TFEC: variants seen among roughly 807,000 people sequenced by gnomAD.
TFEC encodes the protein class E basic helix-loop-helix protein 34.
In TFEC, 31 loss-of-function variants were observed where a neutral mutation model predicts 41.6. That is an observed-to-expected ratio of 0.74 (90% CI 0.56 to 1.01). The LOEUF (loss-of-function observed/expected upper bound fraction) is 1.01. TFEC is among the 50% of genes least tolerant of loss of function. The pLI is 0.00. For missense variants in TFEC, 402 were observed against 404.1 expected, an observed-to-expected ratio of 0.99 and a Z score of 0.04; for synonymous variants, 143 against 140.6, an observed-to-expected ratio of 1.02 and a Z score of -0.12.
intron 6 of TFEC, among the ~76,000 whole-genome samples, chr7:115,945,023 T>G (rs1791454734): frequency 6.7e-6 from 1 of 150,352 alleles, no homozygotes; most frequent in South Asian, 2.3e-4. Context: ...GATAATTGTA[T>G]AGTCTGATAT....
chr7:116,148,698 T>C (rs1411147007), intron 1 of TFEC, among the ~76,000 whole-genome samples: 1 of 152,136 alleles, frequency 6.6e-6, no homozygotes, highest in African/African-American at 2.4e-5. Context: ...AGGGAAGACA[T>C]CAGCAATTTT....
intron 1 of TFEC, among the ~76,000 whole-genome samples, chr7:116,121,889 A>G (rs1202539316): frequency 6.6e-6 from 1 of 152,068 alleles, no homozygotes; most frequent in Non-Finnish European, 1.5e-5. Flanking sequence ...AATCAGTAAA[A>G]TAAAAAATTC....
intron 3 of TFEC, among the ~76,000 whole-genome samples, chr7:115,966,766 T>C (rs1792872517): frequency 6.6e-6 from 1 of 151,724 alleles, no homozygotes; most frequent in South Asian, 2.1e-4. Flanking sequence ...TTTTCTCAGT[T>C]ATATTCTTTC....
Position 116,001,278 on chromosome 7 carries a change from C to A in TFEC, c.-72-16765G>T, listed in dbSNP as rs1287044484. 2.0e-5 allele frequency among the ~76,000 whole-genome samples: 3 copies of A among 152,112 alleles called. No individual in the cohort carries two copies. In the South Asian group the frequency reaches 6.2e-4, roughly 31 times the overall value. The stretch of plus-strand genomic sequence containing the variant: ...AAAACAAATGACAATATGACCCTAT[C>A]TCTTATCATATGCAAAAATCAAATC... On this transcript the variant is annotated intron_variant, in intron 1 of 7. Transcript: ENST00000265440.
upstream of TFEC, among the ~76,000 whole-genome samples, chr7:116,032,768 C>G (rs1795818278): frequency 6.6e-6 from 1 of 152,040 alleles, no homozygotes; most frequent in Non-Finnish European, 1.5e-5. Flanking sequence ...ATAATCTGTA[C>G]AGCAAACCCC....
chr7:116,077,375 A>T (rs1161585996), intron 3 of TFEC, among the ~76,000 whole-genome samples: 1 of 152,114 alleles, frequency 6.6e-6, no homozygotes, highest in African/African-American at 2.4e-5. Context: ...AAAATAAACC[A>T]GGTATTGAGG....
At chr7:115,989,247 G>A (rs1218201571) in intron 1 of TFEC, among the ~76,000 whole-genome samples, 1 of 152,176 alleles carries the variant, frequency 6.6e-6, no homozygotes, top group Non-Finnish European at 1.5e-5. Context: ...CTACATTAAT[G>A]TATTTAAAAT....
chr7:115,967,200 CAAAA>C (rs1337384537), intron 3 of TFEC, among the ~76,000 whole-genome samples: 2 of 150,806 alleles, frequency 1.3e-5, no homozygotes, highest in Non-Finnish European at 3.0e-5. Flanking sequence ...GTAGAGATAA[CAAAA>C]GAAAAAAATA....
intron 1 of TFEC, among the ~76,000 whole-genome samples, chr7:116,118,276 C>A (rs1283764970): frequency 6.6e-6 from 1 of 151,818 alleles, no homozygotes; most frequent in African/African-American, 2.4e-5. Context: ...TTAGAAAACA[C>A]TAAAACTTTC....
At chr7:116,099,854 A>C (rs576440947) in intron 3 of TFEC, among the ~76,000 whole-genome samples, 1 of 152,364 alleles carries the variant, frequency 6.6e-6, no homozygotes, top group African/African-American at 2.4e-5. Context: ...CTTAAATATA[A>C]GCCAAAATAA....
chr7:115,987,302 C>G (rs1793903539), intron 1 of TFEC, among the ~76,000 whole-genome samples: 1 of 152,056 alleles, frequency 6.6e-6, no homozygotes, highest in Non-Finnish European at 1.5e-5. Flanking sequence ...CTTTACTAAC[C>G]ATGAACTAAT....
chr7:115,978,467 G>A (rs1472269913), intron 2 of TFEC, among the ~76,000 whole-genome samples: 2 of 152,100 alleles, frequency 1.3e-5, no homozygotes, highest in Non-Finnish European at 2.9e-5. Flanking sequence ...CTCATCAAAT[G>A]CAGCCTTTGT....
chr7:116,033,792 A>G (rs952278416), upstream of TFEC, among the ~76,000 whole-genome samples: 3 of 152,114 alleles, frequency 2.0e-5, no homozygotes, highest in African/African-American at 4.8e-5. Context: ...TCCCACCTAA[A>G]GGAAAACAAA....
At chr7:116,044,149 G>C (rs1184133351) in intron 3 of TFEC, among the ~76,000 whole-genome samples, 1 of 152,156 alleles carries the variant, frequency 6.6e-6, no homozygotes, top group African/African-American at 2.4e-5. Flanking sequence ...GTAAACTTGG[G>C]CCTCTGAATA....
rs549684781 is a variant in TFEC at position 116,114,479 on chromosome 7, A to G, written c.-68-2441T>C. Among the ~76,000 whole-genome samples the G allele has an allele frequency of 3.3e-5, 5 of 152,162 alleles. No individual in the cohort carries two copies. The South Asian group carries it at 1.0e-3, about 31-fold the overall frequency. On this transcript the variant is annotated intron_variant, in intron 1 of 8. Coordinates refer to the TFEC transcript ENST00000484212. ...ATGACAATTTGCAAAGGGCAAGCGT[A>G]AGGGGGATTGTTTTTCTAAAAGCAG...
At chr7:116,085,931 T>C (rs545096593) in intron 3 of TFEC, among the ~76,000 whole-genome samples, 1 of 152,066 alleles carries the variant, frequency 6.6e-6, no homozygotes, top group African/African-American at 2.4e-5. Flanking sequence ...TAAGATTCTC[T>C]AACATTAACA....
At chr7:116,039,571 G>A (rs1010655561) in intron 3 of TFEC, among the ~76,000 whole-genome samples, 2 of 151,692 alleles carry the variant, frequency 1.3e-5, no homozygotes, top group Admixed American at 6.6e-5. Context: ...ATCAAACTAC[G>A]ACAGAGACAT....
At position 116,074,230 on chromosome 7, in the gene TFEC, A is replaced by G. The variant is rs552664086; in HGVS notation, c.198+36478T>C. On this transcript the variant is annotated intron_variant, in intron 3 of 8. Coordinates refer to the TFEC transcript ENST00000484212. ...TGTATATATGTGTGCATGCATACACACACACACAGACACACACACACATAT... is the reference window on the plus strand; with the variant it reads ...TGTATATATGTGTGCATGCATACACGCACACACAGACACACACACACATAT... Among the ~76,000 whole-genome samples, 24 of 151,900 alleles carry G rather than the reference A, an allele frequency of 1.6e-4. No individual in the cohort carries two copies. In the South Asian group the frequency reaches 2.1e-3, roughly 13 times the overall value.
rs1395544096 is a variant in TFEC, at chr7:116,029,703, T to C, written c.-73+930A>G. 2.0e-5 allele frequency among the ~76,000 whole-genome samples: 3 copies of C among 151,958 alleles called. No individual in the cohort carries two copies. The South Asian group carries it at 6.2e-4, about 31-fold the overall frequency. On this transcript the variant is annotated intron_variant, in intron 1 of 7. Coordinates refer to ENST00000265440, the MANE Select transcript of TFEC (RefSeq NM_012252.4). ...TAAGCAAATGTATATATACAGCATA[T>C]ATATATGTATGTACATGTGTATAAA...
Sources: gnomAD v4.1 joint callset for allele counts (sites outside exome capture counted in the v4.1 genomes callset) on GRCh38, gnomAD v4.1.1 for gene constraint, MANE v1.5 for transcripts, NCBI Gene and HGNC (gene_info 2026-07-23, HGNC 2026-07-21) for gene names.